SPSB1: variants seen among roughly 807,000 people sequenced by gnomAD.
SPSB1 encodes the protein SPRY domain-containing SOCS box protein 1.
In SPSB1, 8 loss-of-function variants were observed where a neutral mutation model predicts 21.2. The observed-to-expected ratio is 0.38, with a 90% confidence interval of 0.22 to 0.68. SPSB1 has a LOEUF of 0.68. Ranked by LOEUF, SPSB1 falls within the 30% of genes least tolerant of loss-of-function variation. SPSB1 has a pLI of 0.53. For missense variants in SPSB1, 242 were observed against 377.8 expected, an observed-to-expected ratio of 0.64 and a Z score of 2.98; for synonymous variants, 169 against 161.7, an observed-to-expected ratio of 1.05 and a Z score of -0.34.
intron 1 of SPSB1, among the ~76,000 whole-genome samples, chr1:9,352,749 C>G (rs1183253196): frequency 2.0e-5 from 3 of 151,802 alleles, no homozygotes; most frequent in Admixed American, 6.6e-5. Flanking sequence ...CTCTTCCCCC[C>G]TCAACCTCCC....
At chr1:9,315,993 C>G (rs1639607320) in intron 1 of SPSB1, among the ~76,000 whole-genome samples, 1 of 152,244 alleles carries the variant, frequency 6.6e-6, no homozygotes, top group South Asian at 2.1e-4. Context: ...GGCCTCTTGG[C>G]AGACGGGTTC....
At chr1:9,351,087 G>A (rs1409699517) in intron 1 of SPSB1, among the ~76,000 whole-genome samples, 4 of 152,230 alleles carry the variant, frequency 2.6e-5, no homozygotes, top group Non-Finnish European at 5.9e-5. Context: ...GCATGGGGTC[G>A]GCAAACAACA....
At chr1:9,342,497 G>A (rs1173865743) in intron 1 of SPSB1, among the ~76,000 whole-genome samples, 1 of 152,218 alleles carries the variant, frequency 6.6e-6, no homozygotes, top group Non-Finnish European at 1.5e-5. Context: ...GCCTTTGCCA[G>A]TTTGGAGCTG....
chr1:9,317,542 C>T lies in SPSB1; in HGVS notation c.-150+24471C>T, dbSNP rs1639635320. Reference sequence around the variant, plus strand: ...TTTGTCACCCAGGCTGGGGACAAAGCTCACTGCGGCTTCTGCCTCCCAGGC... The same window carrying T: ...TTTGTCACCCAGGCTGGGGACAAAGTTCACTGCGGCTTCTGCCTCCCAGGC... On this transcript the variant is annotated intron_variant, in intron 1 of 2. Coordinates refer to ENST00000328089, the MANE Select transcript of SPSB1 (RefSeq NM_025106.4). This position sits in a 1 kb window ranked among gnomAD's most constrained non-coding sequence, Gnocchi z 4.3. 6.6e-6 allele frequency among the ~76,000 whole-genome samples: 1 copy of T among 152,172 alleles called. No homozygotes were observed. The highest frequency in any genetic ancestry group is 1.5e-5 in the Non-Finnish European group (1 of 68,020).
intron 1 of SPSB1, among the ~76,000 whole-genome samples, chr1:9,306,801 G>C (rs1368484695): frequency 6.6e-6 from 1 of 152,176 alleles, no homozygotes; most frequent in Non-Finnish European, 1.5e-5. Flanking sequence ...CCTAGGTAAT[G>C]GGGATTGGTG....
chr1:9,334,772 A>C (rs1372037191), intron 1 of SPSB1, among the ~76,000 whole-genome samples: 2 of 152,196 alleles, frequency 1.3e-5, no homozygotes, highest in Non-Finnish European at 2.9e-5. Context: ...TGTCTTAGGT[A>C]CCTCATGTAA....
chr1:9,338,810 G>C (rs1162705632), intron 1 of SPSB1, among the ~76,000 whole-genome samples: 1 of 152,198 alleles, frequency 6.6e-6, no homozygotes, highest in African/African-American at 2.4e-5. Context: ...CAGCTTCCTG[G>C]GGGCGCTCCC....
intron 2 of SPSB1, among the ~76,000 whole-genome samples, chr1:9,364,251 A>G (rs1435416747): frequency 6.6e-6 from 1 of 152,192 alleles, no homozygotes; most frequent in Non-Finnish European, 1.5e-5. Context: ...GGCCAGATGC[A>G]GGCGCGCTCC....
intron 1 of SPSB1, among the ~76,000 whole-genome samples, chr1:9,341,947 C>T (rs1640098647): frequency 6.6e-6 from 1 of 152,204 alleles, no homozygotes; most frequent in South Asian, 2.1e-4. Context: ...GGTGATCTGC[C>T]CGCCTCAGGG....
At chr1:9,331,735 A>G (rs773478634) in intron 1 of SPSB1, among the ~76,000 whole-genome samples, 29 of 152,262 alleles carry the variant, frequency 1.9e-4, no homozygotes, top group African/African-American at 6.7e-4. Flanking sequence ...CCACGTTGGT[A>G]CTTGCTCTCC....
At chr1:9,295,682 C>T (rs1171764760) in intron 1 of SPSB1, among the ~76,000 whole-genome samples, 1 of 152,200 alleles carries the variant, frequency 6.6e-6, no homozygotes, top group Non-Finnish European at 1.5e-5. Flanking sequence ...GCCCTCCCAC[C>T]CCCATGGTGT....
At chr1:9,365,570 A>T (rs1040942181) in intron 2 of SPSB1, among the ~76,000 whole-genome samples, 6 of 103,462 alleles carry the variant, frequency 5.8e-5, no homozygotes, top group African/African-American at 2.1e-4. Context: ...TTGCGTGGTG[A>T]GATGTAGGAA....
chr1:9,327,079 T>C (rs1639827141), intron 1 of SPSB1, among the ~76,000 whole-genome samples: 1 of 152,144 alleles, frequency 6.6e-6, no homozygotes. Flanking sequence ...CATTCTTAGA[T>C]GCATCTGCCG....
intron 1 of SPSB1, among the ~76,000 whole-genome samples, chr1:9,299,522 T>C (rs143629299): frequency 0.014 from 2,089 of 152,166 alleles, 47 homozygotes; most frequent in African/African-American, 0.046. Context: ...TCTTGTTGCC[T>C]AGGCTGGAGT....
At chr1:9,351,645 G>T (rs1557463258) in intron 1 of SPSB1, 1 of 152,280 alleles carries the variant, frequency 6.6e-6, no homozygotes, top group Non-Finnish European at 1.5e-5. Context: ...CCGCAGAAAG[G>T]GTGGATCTGT....
intron 1 of SPSB1, among the ~76,000 whole-genome samples, chr1:9,298,383 TG>T: frequency 1.6e-5 from 1 of 61,676 alleles, no homozygotes; most frequent in East Asian, 2.7e-4. Context: ...AATGAATGAA[TG>T]AGTGAATGAA....
intron 2 of SPSB1, among the ~76,000 whole-genome samples, chr1:9,362,823 T>C (rs1640502530): frequency 6.6e-6 from 1 of 152,226 alleles, no homozygotes; most frequent in South Asian, 2.1e-4. Context: ...CTCCCAGAAA[T>C]AGCGCCTGAT....
chr1:9,350,765 C>CA (rs1198092462), intron 1 of SPSB1, among the ~76,000 whole-genome samples: 1 of 152,230 alleles, frequency 6.6e-6, no homozygotes, highest in African/African-American at 2.4e-5. Flanking sequence ...GGAAACTCAC[C>CA]AACTGCTCAG....
rs80276030 is a variant in SPSB1 at position 9,329,908 on chromosome 1, T to A, written c.-149-25835T>A. On this transcript the variant is annotated intron_variant, in intron 1 of 2. Coordinates refer to ENST00000328089, the MANE Select transcript of SPSB1 (RefSeq NM_025106.4). ...CTTGGATACTATGAGGCCTTTGGAATCTTTTCTGGGACTGATTCCTAGAGT... is the reference window on the plus strand; with the variant it reads ...CTTGGATACTATGAGGCCTTTGGAAACTTTTCTGGGACTGATTCCTAGAGT... Among the ~76,000 whole-genome samples the A allele has an allele frequency of 1.6e-4, 24 of 152,240 alleles. No homozygotes were observed. In the East Asian group the frequency reaches 4.6e-3, roughly 29 times the overall value.
Sources: allele counts gnomAD v4.1 joint callset (sites outside exome capture counted in the v4.1 genomes callset), GRCh38; gene constraint gnomAD v4.1.1; non-coding constraint Gnocchi (gnomAD v3.1); transcripts MANE v1.5; gene names NCBI Gene and HGNC (gene_info 2026-07-23, HGNC 2026-07-21).